The following COMMD1 variants were observed in gnomAD, a reference collection of about 807,000 sequenced individuals.
COMMD1 encodes the protein COMM domain-containing protein 1.
Under a neutral mutation model 17.2 loss-of-function variants are expected in COMMD1, and 10 were observed. That is an observed-to-expected ratio of 0.58 (90% CI 0.36 to 0.99). The LOEUF (loss-of-function observed/expected upper bound fraction) is 0.99, where lower values mean the gene tolerates loss of function less well. Ranked by LOEUF, COMMD1 falls within the 50% of genes least tolerant of loss-of-function variation. The pLI, the probability that COMMD1 is intolerant of heterozygous loss-of-function variation, is 0.01. For synonymous variants in COMMD1, 97 were observed against 91.6 expected, an observed-to-expected ratio of 1.06 and a Z score of -0.34; for missense variants, 270 against 231.8, an observed-to-expected ratio of 1.17 and a Z score of -1.07.
intron 1 of COMMD1, among the ~76,000 whole-genome samples, chr2:61,943,678 T>C (rs1026372851): frequency 6.6e-6 from 1 of 152,014 alleles, no homozygotes; most frequent in East Asian, 1.9e-4. Context: ...CTACTAAAAA[T>C]ACAAAAATCA....
Position 61,956,998 on chromosome 2 carries a change from G to T in COMMD1, c.181-43703G>T, listed in dbSNP as rs553619325. 2.0e-5 allele frequency among the ~76,000 whole-genome samples: 3 copies of T among 150,812 alleles called. No individual in the cohort carries two copies. The East Asian group carries it at 5.9e-4, about 30-fold the overall frequency. ...ACTCCTGACCTCAAGTGATCCACCC[G>T]CCTCGGCCTCCCAAAGTGCTGGGAT... On this transcript the variant is annotated intron_variant, in intron 1 of 2. Coordinates refer to ENST00000311832, the MANE Select transcript of COMMD1 (RefSeq NM_152516.4).
At chr2:62,086,419 G>A (rs1671670147) in intron 2 of COMMD1, among the ~76,000 whole-genome samples, 1 of 151,606 alleles carries the variant, frequency 6.6e-6, no homozygotes, top group Admixed American at 6.6e-5. Context: ...GCTGAGGCAG[G>A]AGAATCGCGT....
intron 1 of COMMD1, among the ~76,000 whole-genome samples, chr2:61,989,957 T>C (rs979561400): frequency 2.6e-5 from 4 of 152,174 alleles, no homozygotes; most frequent in Admixed American, 1.3e-4. Context: ...CTAGGCAGTC[T>C]AGAAAGACCC....
At chr2:62,130,580 C>T (rs1439642922) in intron 2 of COMMD1, among the ~76,000 whole-genome samples, 1 of 152,070 alleles carries the variant, frequency 6.6e-6, no homozygotes, top group African/African-American at 2.4e-5. Flanking sequence ...TAAATATGAT[C>T]CATAAATTAG....
chr2:61,953,455 ACC>A (rs972136388), intron 1 of COMMD1, among the ~76,000 whole-genome samples: 1 of 144,928 alleles, frequency 6.9e-6, no homozygotes, highest in Non-Finnish European at 1.5e-5. Context: ...TGCAACCTCC[ACC>A]TCCTGGGTTC....
intron 2 of COMMD1, among the ~76,000 whole-genome samples, chr2:62,026,602 G>C (rs1468842993): frequency 1.3e-5 from 2 of 152,136 alleles, no homozygotes; most frequent in Non-Finnish European, 2.9e-5. Context: ...ACTTTTAGCT[G>C]TTCCTCTCTT....
At chr2:61,889,456 C>T (rs887024358) in intron 1 of COMMD1, among the ~76,000 whole-genome samples, 7 of 152,066 alleles carry the variant, frequency 4.6e-5, no homozygotes, top group African/African-American at 9.7e-5. Flanking sequence ...AGCGGTCCAC[C>T]CTCCTCAGCG....
intron 1 of COMMD1, among the ~76,000 whole-genome samples, chr2:61,970,054 C>G (rs530691301): frequency 9.2e-5 from 14 of 151,878 alleles, no homozygotes; most frequent in African/African-American, 3.1e-4. Context: ...GTCAGGAGTT[C>G]GAGACCAGCC....
intron 1 of COMMD1, among the ~76,000 whole-genome samples, chr2:61,908,128 T>C (rs1478493356): frequency 1.3e-5 from 2 of 152,182 alleles, no homozygotes; most frequent in Non-Finnish European, 2.9e-5. Context: ...GGCAGCACAC[T>C]GATTAGTCTG....
intron 2 of COMMD1, among the ~76,000 whole-genome samples, chr2:62,102,568 A>C (rs1026036196): frequency 6.6e-6 from 1 of 152,180 alleles, no homozygotes; most frequent in Admixed American, 6.5e-5. Context: ...CTTCAAAAGC[A>C]GAAGTTTTTC....
chr2:62,025,704 T>C (rs990593696), intron 2 of COMMD1, among the ~76,000 whole-genome samples: 1 of 152,144 alleles, frequency 6.6e-6, no homozygotes, highest in South Asian at 2.1e-4. Context: ...TATTTTGTTT[T>C]TGGAGTCAGA....
chr2:62,050,323 A>T (rs1449685308), intron 2 of COMMD1, among the ~76,000 whole-genome samples: 2 of 152,238 alleles, frequency 1.3e-5, no homozygotes, highest in Admixed American at 6.5e-5. Flanking sequence ...AAGTGACATA[A>T]CTAATGTTGG....
In COMMD1 at chr2:62,044,758, C is replaced by G. The variant is rs528687026; in HGVS notation, c.462+43776C>G. Among the ~76,000 whole-genome samples the G allele has an allele frequency of 7.2e-5, 11 of 151,742 alleles. No homozygotes were observed. The South Asian group carries it at 1.2e-3, about 17-fold the overall frequency. ...ATGGGATGCATTCCATTCCTTCTCC[C>G]TTCACCTACCAAAGAAACAGGTGAG... On this transcript the variant is annotated intron_variant, in intron 2 of 2. Transcript: ENST00000311832.
intron 1 of COMMD1, among the ~76,000 whole-genome samples, chr2:61,935,899 TTCC>T (rs1382051192): frequency 6.6e-6 from 1 of 151,844 alleles, no homozygotes; most frequent in Non-Finnish European, 1.5e-5. Flanking sequence ...TCACTGCAAC[TTCC>T]TCCTCCAGGG....
intron 1 of COMMD1, among the ~76,000 whole-genome samples, chr2:61,889,412 T>G (rs1669360881): frequency 6.6e-6 from 1 of 151,970 alleles, no homozygotes; most frequent in Non-Finnish European, 1.5e-5. Flanking sequence ...GGTTTCGCTG[T>G]GTTGCCCAGG....
chr2:62,052,923 A>T (rs1670580565), intron 2 of COMMD1, among the ~76,000 whole-genome samples: 1 of 152,062 alleles, frequency 6.6e-6, no homozygotes, highest in Admixed American at 6.6e-5. Flanking sequence ...ACAAAAGTTA[A>T]CTGGGTGTGG....
intron 1 of COMMD1, among the ~76,000 whole-genome samples, chr2:61,977,127 G>T (rs1285811441): frequency 6.6e-6 from 1 of 151,326 alleles, no homozygotes; most frequent in East Asian, 1.9e-4. Context: ...TGGCCATGAT[G>T]TGGGATATTA....
chr2:61,946,931 T>C (rs1471481235), intron 1 of COMMD1, among the ~76,000 whole-genome samples: 8 of 152,338 alleles, frequency 5.3e-5, no homozygotes, highest in African/African-American at 1.7e-4. Context: ...TTCATGCTTA[T>C]TGCTTCTAGT....
At chr2:61,975,118 CTTTTTTTTTT>C in intron 1 of COMMD1, among the ~76,000 whole-genome samples, 8 of 80,156 alleles carry the variant, frequency 1.0e-4, no homozygotes, top group South Asian at 1.0e-3. Flanking sequence ...TCATTTCTTT[CTTTTTTTTTT>C]TTTTTTTTTT....
Sources: gnomAD v4.1 joint callset for allele counts (sites outside exome capture counted in the v4.1 genomes callset) on GRCh38, gnomAD v4.1.1 for gene constraint, MANE v1.5 for transcripts, NCBI Gene and HGNC (gene_info 2026-07-23, HGNC 2026-07-21) for gene names.